The following KCNH8 variants were observed in gnomAD, a reference collection of about 807,000 sequenced individuals.
KCNH8 encodes the protein potassium voltage-gated channel subfamily H member 8, also known as voltage-gated delayed rectifier potassium channel KCNH8.
In KCNH8, 70 loss-of-function variants were observed where a neutral mutation model predicts 103.6. That is an observed-to-expected ratio of 0.68 (90% CI 0.56 to 0.82). KCNH8 has a LOEUF of 0.82. KCNH8 is among the 40% of genes least tolerant of loss of function. The pLI is 0.00. For missense variants in KCNH8, 1,217 were observed against 1,329.9 expected, an observed-to-expected ratio of 0.92 and a Z score of 1.32; for synonymous variants, 498 against 489.4, an observed-to-expected ratio of 1.02 and a Z score of -0.23.
intron 11 of KCNH8, among the ~76,000 whole-genome samples, chr3:19,490,510 T>C (rs962429557): frequency 2.0e-5 from 3 of 152,206 alleles, no homozygotes; most frequent in African/African-American, 7.2e-5. Flanking sequence ...ACAGTGCTTT[T>C]CCATACAATG....
intron 5 of KCNH8, among the ~76,000 whole-genome samples, chr3:19,375,394 G>T (rs1196654418): frequency 2.0e-5 from 3 of 150,962 alleles, no homozygotes; most frequent in Non-Finnish European, 4.4e-5. Flanking sequence ...CCAGTTGATT[G>T]CATCGGCTCC....
At chr3:19,310,957 C>G (rs2065200171) in intron 3 of KCNH8, among the ~76,000 whole-genome samples, 1 of 151,792 alleles carries the variant, frequency 6.6e-6, no homozygotes, top group Non-Finnish European at 1.5e-5. Flanking sequence ...TTCACTCCAT[C>G]AGATTGATTG....
chr3:19,367,438 TATATATATATCAGAAATATATATATCATA>T (rs2066028927), intron 5 of KCNH8, among the ~76,000 whole-genome samples: 6 of 146,514 alleles, frequency 4.1e-5, no homozygotes, highest in Admixed American at 1.4e-4. Flanking sequence ...TATATCATAA[TATATATATATCAGAAATATATATATCATA>T]ATATATATAT....
intron 1 of KCNH8, among the ~76,000 whole-genome samples, chr3:19,229,537 TG>T (rs1250589579): frequency 6.6e-6 from 1 of 152,216 alleles, no homozygotes; most frequent in Non-Finnish European, 1.5e-5. Flanking sequence ...CAGCCACTGC[TG>T]GATCAGCTGG....
chr3:19,166,348 A>G (rs2063283355), intron 1 of KCNH8, among the ~76,000 whole-genome samples: 1 of 152,222 alleles, frequency 6.6e-6, no homozygotes, highest in African/African-American at 2.4e-5. Flanking sequence ...AATGTTATCA[A>G]AAAAGAGTTC....
intron 1 of KCNH8, among the ~76,000 whole-genome samples, chr3:19,240,134 G>A (rs2064119366): frequency 6.6e-6 from 1 of 151,970 alleles, no homozygotes; most frequent in Non-Finnish European, 1.5e-5. Context: ...CTCACTTTCC[G>A]CTTTCTTGGC....
At chr3:19,318,664 C>CGTGTGTGTGT (rs1559474372) in intron 3 of KCNH8, among the ~76,000 whole-genome samples, 100 of 24,398 alleles carry the variant, frequency 4.1e-3, no homozygotes, top group African/African-American at 0.015. Flanking sequence ...TGTGTGTGTA[C>CGTGTGTGTGT]ACACACACAC....
chr3:19,214,348 G>A (rs1273396095), intron 1 of KCNH8, among the ~76,000 whole-genome samples: 1 of 152,188 alleles, frequency 6.6e-6, no homozygotes, highest in Admixed American at 6.5e-5. Context: ...CCATCCCATA[G>A]CTGCTAGGAG....
intron 15 of KCNH8, among the ~76,000 whole-genome samples, chr3:19,525,421 A>G (rs936183362): frequency 6.6e-6 from 1 of 151,974 alleles, no homozygotes; most frequent in South Asian, 2.1e-4. Context: ...ACTGTTCTAT[A>G]CAACCAGTAT....
intron 11 of KCNH8, 68 bp downstream of exon 11, chr3:19,457,050 A>AAGGC: frequency 9.4e-7 from 1 of 1,066,824 alleles, no homozygotes; most frequent in African/African-American, 1.6e-5. Flanking sequence ...TGTAACAGTA[A>AAGGC]AGGCAGATGT....
chr3:19,419,195 G>GTTTTTTTT (rs1559318835), intron 7 of KCNH8, among the ~76,000 whole-genome samples: 21 of 128,722 alleles, frequency 1.6e-4, no homozygotes, highest in African/African-American at 5.3e-4. Context: ...AATGGTTTTG[G>GTTTTTTTT]TTTTTTTTTT....
At chr3:19,411,390 C>A (rs2066776461) in intron 7 of KCNH8, among the ~76,000 whole-genome samples, 1 of 152,014 alleles carries the variant, frequency 6.6e-6, no homozygotes, top group Non-Finnish European at 1.5e-5. Context: ...CCATCTATGA[C>A]ATACCCCCAG....
intron 5 of KCNH8, among the ~76,000 whole-genome samples, chr3:19,352,071 A>C (rs917204792): frequency 6.6e-6 from 1 of 152,166 alleles, no homozygotes; most frequent in African/African-American, 2.4e-5. Context: ...AACAAAAAAA[A>C]GCAGGGGTTG....
At chr3:19,168,076 T>A (rs1363722256) in intron 1 of KCNH8, among the ~76,000 whole-genome samples, 2 of 151,786 alleles carry the variant, frequency 1.3e-5, no homozygotes, top group East Asian at 3.9e-4. Context: ...AGTGGCGCGA[T>A]CTTGGCTCAC....
intron 15 of KCNH8, among the ~76,000 whole-genome samples, chr3:19,526,173 T>C (rs1271805601): frequency 6.6e-6 from 1 of 151,778 alleles, no homozygotes; most frequent in Admixed American, 6.6e-5. Flanking sequence ...CTTAGGAAAA[T>C]TGTGTCTAGC....
chr3:19,163,149 T>C (rs1189552188), intron 1 of KCNH8, among the ~76,000 whole-genome samples: 1 of 151,736 alleles, frequency 6.6e-6, no homozygotes, highest in Non-Finnish European at 1.5e-5. Flanking sequence ...AAAAACATAG[T>C]CTTCAGAATA....
chr3:19,175,857 G>T (rs2063394722), intron 1 of KCNH8, among the ~76,000 whole-genome samples: 1 of 152,096 alleles, frequency 6.6e-6, no homozygotes, highest in Non-Finnish European at 1.5e-5. Flanking sequence ...TTTCAGAGGG[G>T]CTAAAAAAGA....
At chr3:19,208,937 A>T (rs1160504616) in intron 1 of KCNH8, among the ~76,000 whole-genome samples, 1 of 152,002 alleles carries the variant, frequency 6.6e-6, no homozygotes, top group Non-Finnish European at 1.5e-5. Context: ...GATCCCAGGG[A>T]TATTTTTCAT....
chr3:19,273,737 A>G (rs1040043202), intron 2 of KCNH8, among the ~76,000 whole-genome samples: 2 of 152,204 alleles, frequency 1.3e-5, no homozygotes, highest in African/African-American at 2.4e-5. Flanking sequence ...CAAAGCTTGT[A>G]TAAGTACATT....
Sources: allele counts gnomAD v4.1 joint callset (sites outside exome capture counted in the v4.1 genomes callset), GRCh38; gene constraint gnomAD v4.1.1; transcripts MANE v1.5; gene names NCBI Gene and HGNC (gene_info 2026-07-23, HGNC 2026-07-21).